SLC24A4: variants seen among roughly 807,000 people sequenced by gnomAD.
SLC24A4 encodes solute carrier family 24 member 4.
In SLC24A4, 53 loss-of-function variants were observed where a neutral mutation model predicts 79.0. The observed-to-expected ratio is 0.67, with a 90% CI of 0.54 to 0.84. The LOEUF is 0.84. Among genes scored for constraint, SLC24A4 ranks in the 40% least tolerant of loss-of-function variants. The probability of loss-of-function intolerance (pLI) is 0.00; values close to 1 mark genes in which losing one functional copy is unlikely to be tolerated. For missense variants in SLC24A4, 731 were observed against 822.0 expected (o/e 0.89, Z 1.35); for synonymous variants, 323 against 323.8 (o/e 1.00, Z 0.03).
rs1369355076 is a variant in SLC24A4 at position 92,349,182 on chromosome 14, TAC to T, written c.241+23206_241+23207del. Among the ~76,000 whole-genome samples the T allele has an allele frequency of 9.3e-5, 14 of 151,288 alleles. No homozygotes were observed. In the South Asian group the frequency reaches 2.5e-3, roughly 27 times the overall value. ...CTGGAAGATTTTTTTTTTTTTTTGA[TAC>T]AGTCTTGCTCTGTCGCCAAGGCTGG... On this transcript the variant is annotated intron_variant, in intron 2 of 16. Transcript: ENST00000532405.
rs934365717 is a variant in SLC24A4, at chr14:92,484,145, T to C, written c.1422+1299T>C. 4.1e-6 allele frequency: 4 copies of C among 985,200 alleles called. No homozygotes were observed. The African/African-American group carries it at 7.0e-5, about 17-fold the overall frequency. The allele number at this position is 985,200 out of a possible 1,614,324, so 61.0% of individuals were successfully genotyped here. ...TTCTAGGCACTTGGCCAATCCTGTC[T>C]CTTCCCTCCCCCCAACCCAATCACG... is the stretch of plus-strand genomic sequence containing the variant. On this transcript the variant is annotated intron_variant, in intron 13 of 16. Coordinates refer to ENST00000532405, the MANE Select transcript of SLC24A4 (RefSeq NM_153646.4).
At chr14:92,458,029 T>C (rs1295139794) in intron 12 of SLC24A4, among the ~76,000 whole-genome samples, 1 of 151,988 alleles carries the variant, frequency 6.6e-6, no homozygotes, top group Non-Finnish European at 1.5e-5. Flanking sequence ...TTCCCTGGAG[T>C]TTCTGGGTTA....
At chr14:92,403,687 C>A (rs1481315145) in intron 2 of SLC24A4, among the ~76,000 whole-genome samples, 1 of 151,822 alleles carries the variant, frequency 6.6e-6, no homozygotes, top group African/African-American at 2.4e-5. Flanking sequence ...GGGAGAATTG[C>A]CTTCCCCCCT....
chr14:92,435,649 TC>T (rs1157232688), intron 3 of SLC24A4, among the ~76,000 whole-genome samples: 2 of 152,168 alleles, frequency 1.3e-5, no homozygotes, highest in African/African-American at 4.8e-5. Context: ...TTGCAAGAGA[TC>T]ATTAAGAAAG....
chr14:92,447,559 C>A, intron 9 of SLC24A4, 135 bp downstream of exon 9: 1 of 828,326 alleles, frequency 1.2e-6, no homozygotes, highest in Non-Finnish European at 1.9e-6. Context: ...CTGGTAGACA[C>A]CCTGCTGGGG....
rs1437224786 is a variant in SLC24A4 at position 92,498,444 on chromosome 14, G to C, written c.*4816G>C. ...CTTGTGTGGGGGGCCCCTTCGCCTT[G>C]CTGCAAAGAGCTGTTCCCCAAAGGG... On this transcript the variant is annotated 3_prime_UTR_variant, in exon 17 of 17. Coordinates refer to ENST00000532405, the MANE Select transcript of SLC24A4 (RefSeq NM_153646.4). The C allele has an allele frequency of 6.6e-6, 1 of 152,030 alleles. No homozygotes were observed. The highest frequency in any genetic ancestry group is 2.4e-5 in the African/African-American group (1 of 41,328). The allele number at this position is 152,030 out of a possible 1,614,324, so 9.4% of individuals were successfully genotyped here. A position where few individuals can be genotyped will look rare whatever the true frequency, so the allele number is the denominator to read the frequency against.
chr14:92,492,260 A>G lies in SLC24A4; in HGVS notation c.1716+20A>G, dbSNP rs1185313798. On this transcript the variant is annotated intron_variant, in intron 16 of 16. Coordinates refer to ENST00000532405, the MANE Select transcript of SLC24A4 (RefSeq NM_153646.4). Reference sequence around the variant, plus strand: ...CTCACCGTGAGTCTTTACAATTCCAAAACAGATGCCTCATGCATACTTGAT... The same window carrying G: ...CTCACCGTGAGTCTTTACAATTCCAGAACAGATGCCTCATGCATACTTGAT... 1.2e-6 allele frequency: 2 copies of G among 1,611,416 alleles called. No individual in the cohort carries two copies. Among genetic ancestry groups the G allele is most frequent in the South Asian group, 1.1e-5 (1 of 91,016 alleles).
At chr14:92,436,072 A>G (rs1351949109) in intron 3 of SLC24A4, among the ~76,000 whole-genome samples, 1 of 152,160 alleles carries the variant, frequency 6.6e-6, no homozygotes, top group African/African-American at 2.4e-5. Flanking sequence ...TGTTTTTTTA[A>G]ATAAAGAAAA....
At chr14:92,487,571 G>A (rs1418494831) in intron 14 of SLC24A4, among the ~76,000 whole-genome samples, 1 of 152,198 alleles carries the variant, frequency 6.6e-6, no homozygotes, top group Non-Finnish European at 1.5e-5. Flanking sequence ...GAGATGAGGG[G>A]AAAGGAAGAG....
chr14:92,384,987 A>G, intron 2 of SLC24A4, among the ~76,000 whole-genome samples: 1 of 152,162 alleles, frequency 6.6e-6, no homozygotes, highest in Admixed American at 6.5e-5. Flanking sequence ...ATGAAGGGGG[A>G]TAAGGTTACC....
chr14:92,442,562 G>A, intron 5 of SLC24A4, 151 bp from the exon 6 acceptor site: 1 of 612,864 alleles, frequency 1.6e-6, no homozygotes, highest in Non-Finnish European at 2.9e-6. Flanking sequence ...CACCTCCCTG[G>A]TTCTGCCACT....
At chr14:92,428,691 A>G (rs1002601700) in intron 2 of SLC24A4, among the ~76,000 whole-genome samples, 1 of 152,228 alleles carries the variant, frequency 6.6e-6, no homozygotes. Flanking sequence ...TGGAGATTAA[A>G]AAGTCAAAGC....
rs940226185 is a variant in SLC24A4 at position 92,441,065 on chromosome 14, C to T, written c.394-1024C>T. 4.6e-5 allele frequency among the ~76,000 whole-genome samples: 7 copies of T among 152,084 alleles called. No homozygotes were observed. The highest frequency in any genetic ancestry group is 3.9e-4 in the Admixed American group (6 of 15,266). On this transcript the variant is annotated intron_variant, in intron 4 of 16. Transcript: ENST00000532405. This position sits in a 1 kb window ranked among gnomAD's most constrained non-coding sequence, Gnocchi z 4.6. The stretch of plus-strand genomic sequence containing the variant: ...GCCCTGGAGATCGATGCTGTGCCCC[C>T]ACCCCAGACTCCGTCAAGCCCAGAG...
intron 13 of SLC24A4, chr14:92,484,026 C>T (rs1895221909): frequency 2.0e-6 from 2 of 985,232 alleles, no homozygotes; most frequent in African/African-American, 3.5e-5. Context: ...CTACCTCTTG[C>T]AAACCACAGA....
chr14:92,479,224 G>T (rs1290580051), intron 12 of SLC24A4, among the ~76,000 whole-genome samples: 1 of 152,054 alleles, frequency 6.6e-6, no homozygotes. Context: ...CTCTAGTTCA[G>T]TGTTGAAGGA....
intron 2 of SLC24A4, among the ~76,000 whole-genome samples, chr14:92,371,998 T>C (rs1260006561): frequency 6.6e-6 from 1 of 152,208 alleles, no homozygotes; most frequent in Non-Finnish European, 1.5e-5. Context: ...CACCACCCTG[T>C]GCTGGGCTCT....
intron 2 of SLC24A4, among the ~76,000 whole-genome samples, chr14:92,384,117 G>A (rs8009153): frequency 6.6e-6 from 1 of 152,042 alleles, no homozygotes; most frequent in East Asian, 1.9e-4. Context: ...CCTGGTGGTT[G>A]TTTTCCCCCC....
Position 92,454,012 on chromosome 14 carries a change from C to T in SLC24A4, c.993C>T (p.Thr331=), listed in dbSNP as rs142850140. 2.7e-5 allele frequency: 43 copies of T among 1,613,624 alleles called. No individual in the cohort carries two copies. The South Asian group carries it at 2.9e-4, about 11-fold the overall frequency. ...AAGCAGGCTTACGAATCATGATCAC[C>T]AATAAGTTTGGACCCAGGACCCGAC... The part of the protein sequence containing the change: ...FPEAGLRIMI[T]NKFGPRTRLR... Residue 331 remains threonine, a synonymous_variant, in exon 11 of 17, where the codon ACC becomes ACT. Coordinates refer to ENST00000532405, the MANE Select transcript of SLC24A4 (RefSeq NM_153646.4).
chr14:92,356,716 A>G (rs1158599867), intron 2 of SLC24A4, among the ~76,000 whole-genome samples: 7 of 152,224 alleles, frequency 4.6e-5, no homozygotes, highest in Non-Finnish European at 1.0e-4. Flanking sequence ...TCTCCTGGAC[A>G]AAGCTTCAGT....
Sources: gnomAD v4.1 joint callset for allele counts (sites outside exome capture counted in the v4.1 genomes callset) on GRCh38, gnomAD v4.1.1 for gene constraint, Gnocchi (gnomAD v3.1) non-coding constraint, MANE v1.5 for transcripts, NCBI Gene and HGNC (gene_info 2026-07-23, HGNC 2026-07-21) for gene names.